GTF2A1L: variants seen among roughly 807,000 people sequenced by gnomAD.
The protein encoded by GTF2A1L is TFIIA-alpha and beta-like factor.
A neutral mutation model predicts 49.7 loss-of-function variants in GTF2A1L; 48 were observed. That is an observed-to-expected ratio of 0.97 (90% CI 0.77 to 1.23). GTF2A1L has a LOEUF of 1.23. Ranked by LOEUF, GTF2A1L falls within the 50% of genes most tolerant of loss-of-function variation. GTF2A1L has a pLI of 0.00. For synonymous variants in GTF2A1L, 246 were observed against 193.5 expected (o/e 1.27, Z -2.25); for missense variants, 736 against 564.8 (o/e 1.30, Z -3.07).
At chr2:48,630,330 C>G (rs78651488) in intron 3 of GTF2A1L, among the ~76,000 whole-genome samples, 15,935 of 143,242 alleles carry the variant, frequency 0.11, 2,799 homozygotes, top group African/African-American at 0.23. Flanking sequence ...AGAGATCTTT[C>G]CCTTCCTTGA....
At chr2:48,640,647 T>C (rs1261396555) in intron 3 of GTF2A1L, among the ~76,000 whole-genome samples, 1 of 152,142 alleles carries the variant, frequency 6.6e-6, no homozygotes, top group Non-Finnish European at 1.5e-5. Context: ...GTGACACGAG[T>C]TTACCTGTGG....
At chr2:48,654,535 A>G (rs938341060) in intron 6 of GTF2A1L, among the ~76,000 whole-genome samples, 1 of 152,082 alleles carries the variant, frequency 6.6e-6, no homozygotes, top group South Asian at 2.1e-4. Flanking sequence ...GGTGCCCACC[A>G]CCATGCCTGG....
At chr2:48,650,245 G>C (rs1300672633) in intron 6 of GTF2A1L, among the ~76,000 whole-genome samples, 1 of 152,102 alleles carries the variant, frequency 6.6e-6, no homozygotes, top group African/African-American at 2.4e-5. Flanking sequence ...ATAGGATCTA[G>C]AATTACGTTT....
chr2:48,679,292 A>C (rs1377428780), intron 8 of GTF2A1L, 43 bp from the exon 9 acceptor site: 1 of 1,594,000 alleles, frequency 6.3e-7, no homozygotes, highest in South Asian at 1.1e-5. Flanking sequence ...GTGATCCTTT[A>C]ACTTGTAAAA....
At chr2:48,618,267 T>G (rs182471023) in intron 1 of GTF2A1L, among the ~76,000 whole-genome samples, 8 of 152,366 alleles carry the variant, frequency 5.3e-5, no homozygotes, top group African/African-American at 1.9e-4. Context: ...AATTCCAAGC[T>G]GTATTATTTA....
intron 6 of GTF2A1L, among the ~76,000 whole-genome samples, chr2:48,649,411 G>C (rs1033014673): frequency 2.0e-5 from 3 of 152,140 alleles, no homozygotes; most frequent in African/African-American, 7.2e-5. Flanking sequence ...ATTTATCAGT[G>C]TGTAGTCTCT....
intron 3 of GTF2A1L, among the ~76,000 whole-genome samples, chr2:48,623,138 T>G (rs1676104236): frequency 6.6e-6 from 1 of 152,206 alleles, no homozygotes; most frequent in Admixed American, 6.5e-5. Context: ...CCTGTCTCTC[T>G]TCATCTTTAG....
rs1003406418 is a variant in GTF2A1L at position 48,642,305 on chromosome 2, A to C, written c.248-97A>C. 3.4e-6 allele frequency: 4 copies of C among 1,168,610 alleles called. No individual in the cohort carries two copies. In the African/African-American group the frequency reaches 6.1e-5, roughly 18 times the overall value. 72.4% of individuals were successfully genotyped at this position (1,168,610 alleles called of 1,614,324 possible). On this transcript the variant is annotated intron_variant, in intron 3 of 8. Transcript: ENST00000403751. ...AGAATTCACCATGGTTTAACCTGTTAGTGATAGAAAATATTTTTTAAAAAT... is the reference window on the plus strand; with the variant it reads ...AGAATTCACCATGGTTTAACCTGTTCGTGATAGAAAATATTTTTTAAAAAT...
At position 48,624,364 on chromosome 2, in the gene GTF2A1L, C is replaced by T. The variant is rs575538496; in HGVS notation, c.247+3074C>T. Among the ~76,000 whole-genome samples, 10 of 143,962 alleles carry T rather than the reference C, an allele frequency of 6.9e-5. 1 individual carries two copies. In the South Asian group the frequency reaches 9.4e-4, roughly 13 times the overall value. 94.4% of individuals were successfully genotyped at this position (143,962 alleles called of 152,430 possible). Reference sequence around the variant, plus strand: ...TAAGAAGAGTGTCATCAATTAATGTCGGCTTAATGAGGTTTGCAGAAATGA... The same window carrying T: ...TAAGAAGAGTGTCATCAATTAATGTTGGCTTAATGAGGTTTGCAGAAATGA... On this transcript the variant is annotated intron_variant, in intron 3 of 8. Coordinates refer to ENST00000403751, the MANE Select transcript of GTF2A1L (RefSeq NM_006872.5).
chr2:48,637,238 A>G (rs995659412), intron 3 of GTF2A1L, among the ~76,000 whole-genome samples: 5 of 152,222 alleles, frequency 3.3e-5, no homozygotes, highest in Admixed American at 6.5e-5. Flanking sequence ...TTCAAAGAAG[A>G]TCCAAGAATC....
intron 1 of GTF2A1L, among the ~76,000 whole-genome samples, chr2:48,619,929 G>C (rs141591010): frequency 6.6e-6 from 1 of 152,112 alleles, no homozygotes; most frequent in African/African-American, 2.4e-5. Flanking sequence ...AAGGTTGTTC[G>C]TGCCCTTCTT....
chr2:48,634,222 C>T (rs969276878), intron 3 of GTF2A1L, among the ~76,000 whole-genome samples: 3 of 152,170 alleles, frequency 2.0e-5, no homozygotes, highest in Non-Finnish European at 4.4e-5. Flanking sequence ...AGAGGTTCTC[C>T]TGCCTCAGCT....
At chr2:48,655,911 A>G (rs1678143626) in intron 6 of GTF2A1L, among the ~76,000 whole-genome samples, 1 of 152,060 alleles carries the variant, frequency 6.6e-6, no homozygotes, top group Non-Finnish European at 1.5e-5. Flanking sequence ...GAATTTGACC[A>G]CTTTAGTTAC....
rs773444160 is a variant in GTF2A1L, at chr2:48,646,540, T to A, written c.476T>A (p.Phe159Tyr). The A allele has an allele frequency of 6.2e-7, 1 of 1,614,184 alleles. No individual in the cohort carries two copies. The highest frequency in any genetic ancestry group is 1.1e-5 in the South Asian group (1 of 91,078). The change falls in exon 6 of 9, where the codon TTT (phenylalanine) becomes TAT (tyrosine). Residue 159 changes from phenylalanine (F) to tyrosine (Y), a missense_variant. Coordinates refer to ENST00000403751, the MANE Select transcript of GTF2A1L (RefSeq NM_006872.5). ...GILQHPIQQV[F>Y]QQLGQPSVIQ... ...CTTCAGCATCCAATTCAGCAAGTAT[T>A]TCAACAGCTTGGCCAGCCTTCAGTA...
At position 48,646,594 on chromosome 2, in the gene GTF2A1L, C is replaced by G; in HGVS notation, c.530C>G (p.Pro177Arg). 6.2e-7 allele frequency: 1 copy of G among 1,614,080 alleles called. No homozygotes were observed. The highest frequency in any genetic ancestry group is 2.2e-5 in the East Asian group (1 of 44,886). ...VIQTSVPQLN[P>R]WSLQATTEKS... ...CAAACTAGTGTTCCACAATTGAATC[C>G]ATGGTCTCTTCAAGCAACTACTGAA... is the stretch of plus-strand genomic sequence containing the variant. Residue 177 changes from proline to arginine, a missense_variant, in exon 6 of 9, where the codon CCA becomes CGA. Coordinates refer to ENST00000403751, the MANE Select transcript of GTF2A1L (RefSeq NM_006872.5).
intron 6 of GTF2A1L, among the ~76,000 whole-genome samples, chr2:48,649,349 C>G (rs1056233619): frequency 6.6e-6 from 1 of 152,122 alleles, no homozygotes; most frequent in Non-Finnish European, 1.5e-5. Flanking sequence ...CATCTCCACT[C>G]CTAGTGCCAT....
intron 6 of GTF2A1L, among the ~76,000 whole-genome samples, chr2:48,650,909 C>T (rs543720479): frequency 3.9e-5 from 6 of 152,152 alleles, no homozygotes; most frequent in East Asian, 1.9e-4. Context: ...ATATAGTTTA[C>T]GTTGAAAATG....
intron 1 of GTF2A1L, among the ~76,000 whole-genome samples, chr2:48,618,562 T>A (rs780027589): frequency 1.1e-4 from 16 of 152,254 alleles, no homozygotes; most frequent in Non-Finnish European, 2.1e-4. Context: ...TGAAAGGCAA[T>A]GTGCCTGTCC....
At chr2:48,662,517 C>A (rs1471416805) in intron 6 of GTF2A1L, among the ~76,000 whole-genome samples, 1 of 152,020 alleles carries the variant, frequency 6.6e-6, no homozygotes, top group East Asian at 1.9e-4. Context: ...GATGGTAAGG[C>A]AGAGTTTATT....
Sources: allele counts gnomAD v4.1 joint callset (sites outside exome capture counted in the v4.1 genomes callset), GRCh38; gene constraint gnomAD v4.1.1; transcripts MANE v1.5; gene names NCBI Gene and HGNC (gene_info 2026-07-23, HGNC 2026-07-21).